Variants in ROBO2 observed in about 807,000 individuals in gnomAD.
The protein encoded by ROBO2 is roundabout homolog 2.
In ROBO2, 53 loss-of-function variants were observed where a neutral mutation model predicts 160.8. The ratio of observed to expected loss-of-function variants is 0.33; its 90% confidence interval spans 0.26 to 0.41. The LOEUF is 0.41. ROBO2 is among the 10% of genes least tolerant of loss of function. The pLI is 1.00. For missense variants in ROBO2, 1,577 were observed against 1,722.4 expected (o/e 0.92, Z 1.49); for synonymous variants, 664 against 611.7 (o/e 1.09, Z -1.26).
intron 2 of ROBO2, among the ~76,000 whole-genome samples, chr3:76,691,123 G>T (rs796500911): frequency 6.6e-6 from 1 of 152,032 alleles, no homozygotes; most frequent in African/African-American, 2.4e-5. Flanking sequence ...ATCATGAGGG[G>T]TCTGCCCTCA....
chr3:76,557,008 C>T (rs1246977855), intron 2 of ROBO2, among the ~76,000 whole-genome samples: 1 of 151,992 alleles, frequency 6.6e-6, no homozygotes, highest in Admixed American at 6.6e-5. Flanking sequence ...GAACATTTAG[C>T]TTATTTACAA....
At chr3:76,391,518 A>T (rs6796735) in intron 2 of ROBO2, among the ~76,000 whole-genome samples, 34,038 of 150,384 alleles carry the variant, frequency 0.23, 4,771 homozygotes, top group African/African-American at 0.41. Flanking sequence ...CATGATGGTG[A>T]TACTTTTTTT....
intron 2 of ROBO2, among the ~76,000 whole-genome samples, chr3:76,907,947 C>A (rs2075725385): frequency 6.6e-6 from 1 of 152,024 alleles, no homozygotes; most frequent in South Asian, 2.1e-4. Flanking sequence ...TCAAGCAATT[C>A]TCCTGCCTCA....
chr3:77,469,345 G>A (rs1217137523), intron 2 of ROBO2, among the ~76,000 whole-genome samples: 4 of 152,080 alleles, frequency 2.6e-5, no homozygotes, highest in African/African-American at 9.7e-5. Context: ...GGGTCAAAGC[G>A]TGGCTGCCAC....
chr3:77,313,798 G>A (rs934001599), intron 2 of ROBO2, among the ~76,000 whole-genome samples: 1 of 152,134 alleles, frequency 6.6e-6, no homozygotes, highest in Admixed American at 6.5e-5. Flanking sequence ...TGATCACGCT[G>A]GTCTCGAACT....
At chr3:76,845,983 A>T (rs1391399019) in intron 2 of ROBO2, among the ~76,000 whole-genome samples, 1 of 152,090 alleles carries the variant, frequency 6.6e-6, no homozygotes, top group African/African-American at 2.4e-5. Context: ...AACATTACTT[A>T]TGTCACCTGA....
At chr3:76,945,940 T>C (rs906989474) in intron 2 of ROBO2, among the ~76,000 whole-genome samples, 2 of 152,244 alleles carry the variant, frequency 1.3e-5, no homozygotes, top group Non-Finnish European at 2.9e-5. Flanking sequence ...TTTTTGGAAC[T>C]CATTATGGGC....
At chr3:76,995,481 G>C (rs1295429114) in intron 2 of ROBO2, among the ~76,000 whole-genome samples, 4 of 152,124 alleles carry the variant, frequency 2.6e-5, no homozygotes, top group Non-Finnish European at 5.9e-5. Flanking sequence ...TGGGATGGCT[G>C]GGTCAAATGG....
At chr3:76,159,616 T>C (rs954702760) in intron 2 of ROBO2, among the ~76,000 whole-genome samples, 2 of 152,138 alleles carry the variant, frequency 1.3e-5, no homozygotes, top group African/African-American at 4.8e-5. Context: ...AATAAACATA[T>C]GAACAGTTTG....
chr3:76,328,748 A>C (rs1349120481), intron 2 of ROBO2, among the ~76,000 whole-genome samples: 1 of 151,810 alleles, frequency 6.6e-6, no homozygotes, highest in African/African-American at 2.4e-5. Flanking sequence ...AGTCTCAGCT[A>C]CTCGGGAGGC....
intron 2 of ROBO2, among the ~76,000 whole-genome samples, chr3:77,361,786 C>T (rs958513199): frequency 2.6e-5 from 4 of 152,130 alleles, no homozygotes; most frequent in Non-Finnish European, 4.4e-5. Context: ...GGGACATGAA[C>T]ATTCAGACTG....
At chr3:77,632,820 C>T in intron 23 of ROBO2, 1 of 514,362 alleles carries the variant, frequency 1.9e-6, no homozygotes, top group Non-Finnish European at 3.2e-6. Flanking sequence ...TCTTCTGATG[C>T]TAGTTTTGCA....
chr3:77,120,578 C>T (rs545925885), intron 2 of ROBO2, among the ~76,000 whole-genome samples: 117 of 152,258 alleles, frequency 7.7e-4, no homozygotes, highest in African/African-American at 2.6e-3. Flanking sequence ...AGCCTGACGT[C>T]GTTATGCTCA....
chr3:77,232,038 A>G (rs2087284429), intron 2 of ROBO2, among the ~76,000 whole-genome samples: 1 of 152,132 alleles, frequency 6.6e-6, no homozygotes. Flanking sequence ...ACTTTGCTGT[A>G]TTGTTTCTTC....
At chr3:76,758,401 T>C (rs72892382) in intron 2 of ROBO2, among the ~76,000 whole-genome samples, 3,061 of 151,898 alleles carry the variant, frequency 0.02, 87 homozygotes, top group African/African-American at 0.069. Context: ...TCTGGCTCCA[T>C]TGAGCTTCAT....
At chr3:77,533,921 G>A (rs893036053) in intron 6 of ROBO2, among the ~76,000 whole-genome samples, 24 of 149,984 alleles carry the variant, frequency 1.6e-4, no homozygotes, top group Admixed American at 9.3e-4. Flanking sequence ...TTCTTTCTCC[G>A]CCTTCTGAAT....
chr3:75,993,290 G>T (rs1169534400), intron 2 of ROBO2, among the ~76,000 whole-genome samples: 1 of 152,074 alleles, frequency 6.6e-6, no homozygotes, highest in African/African-American at 2.4e-5. Flanking sequence ...TCATGGGGGT[G>T]GATCTTTCTT....
At chr3:77,493,715 C>T (rs1409314042) in intron 5 of ROBO2, among the ~76,000 whole-genome samples, 1 of 152,124 alleles carries the variant, frequency 6.6e-6, no homozygotes, top group Non-Finnish European at 1.5e-5. Context: ...AGGCCTCCAT[C>T]AATGACTGCC....
chr3:76,890,784 C>G (rs1193309140), intron 2 of ROBO2, among the ~76,000 whole-genome samples: 1 of 152,094 alleles, frequency 6.6e-6, no homozygotes, highest in Non-Finnish European at 1.5e-5. Context: ...TCTTTAATGA[C>G]AATTTTGTAG....
Sources: gnomAD v4.1 joint callset for allele counts (sites outside exome capture counted in the v4.1 genomes callset) on GRCh38, gnomAD v4.1.1 for gene constraint, MANE v1.5 for transcripts, NCBI Gene and HGNC (gene_info 2026-07-23, HGNC 2026-07-21) for gene names.